Variants in CABP1 observed in about 807,000 individuals in gnomAD.
CABP1 encodes calcium-binding protein 1.
Under a neutral mutation model 34.3 loss-of-function variants are expected in CABP1, and 17 were observed. The observed-to-expected ratio is 0.50, with a 90% CI of 0.34 to 0.74. The LOEUF (loss-of-function observed/expected upper bound fraction) is 0.74, where lower values mean the gene tolerates loss of function less well. Ranked by LOEUF, CABP1 falls within the 30% of genes least tolerant of loss-of-function variation. The probability of loss-of-function intolerance (pLI) is 0.01; values close to 1 mark genes in which losing one functional copy is unlikely to be tolerated. For synonymous variants in CABP1, 198 were observed against 229.2 expected (o/e 0.86, Z 1.23); for missense variants, 373 against 511.1 (o/e 0.73, Z 2.61).
At chr12:120,647,630 C>T (rs1247685548) in intron 1 of CABP1, among the ~76,000 whole-genome samples, 4 of 147,048 alleles carry the variant, frequency 2.7e-5, no homozygotes, top group Middle Eastern at 7.0e-3. Flanking sequence ...TGCAATGACG[C>T]GATCTCGACT....
intron 1 of CABP1, chr12:120,650,489 G>A (rs191452654): frequency 2.6e-6 from 4 of 1,517,884 alleles, no homozygotes; most frequent in South Asian, 1.3e-5. Context: ...GAGCACGCGC[G>A]CAAGAGAGGG....
At chr12:120,649,444 C>T (rs1352472665) in intron 1 of CABP1, among the ~76,000 whole-genome samples, 1 of 152,172 alleles carries the variant, frequency 6.6e-6, no homozygotes, top group Non-Finnish European at 1.5e-5. Flanking sequence ...GGCTGTAGGT[C>T]TCAAACCGGA....
At chr12:120,652,980 G>A (rs1396281232) in intron 1 of CABP1, among the ~76,000 whole-genome samples, 2 of 152,184 alleles carry the variant, frequency 1.3e-5, no homozygotes, top group Non-Finnish European at 2.9e-5. Flanking sequence ...GGCAGGACCA[G>A]GCTGTCAGGT....
Position 120,640,785 on chromosome 12 carries a change from C to T in CABP1, c.100C>T (p.Pro34Ser), listed in dbSNP as rs1392536498. The change falls in exon 1 of 6, where the codon CCC becomes TCC. Residue 34 changes from proline (P) to serine (S), a missense_variant. By Grantham distance (74) the Pro-to-Ser change is moderately conservative (BLOSUM62 -1). Coordinates refer to ENST00000316803, the MANE Select transcript of CABP1 (RefSeq NM_001033677.2). The surrounding 1 kb of genome is among the most constrained non-coding windows in gnomAD (Gnocchi z 6.2). ...LGSRREPRSL[P>S]AGGPAPRRTA... ...CTCCCGCCGGGAGCCCCGTTCTCTG[C>T]CCGCCGGGGGCCCCGCGCCGCGCCG... The T allele has an allele frequency of 5.3e-6, 6 of 1,133,706 alleles. No individual in the cohort carries two copies. Among genetic ancestry groups the T allele is most frequent in the Non-Finnish European group, 6.5e-6 (6 of 926,044 alleles). 70.2% of individuals were successfully genotyped at this position (1,133,706 alleles called of 1,614,324 possible). A position where few individuals can be genotyped will look rare whatever the true frequency, so the allele number is the denominator to read the frequency against.
chr12:120,663,600 C>T (rs1425557720), intron 5 of CABP1, among the ~76,000 whole-genome samples: 1 of 152,126 alleles, frequency 6.6e-6, no homozygotes, highest in Non-Finnish European at 1.5e-5. Flanking sequence ...TTTAAAGAAT[C>T]AATAGTAATC....
the CABP1 span, among the ~76,000 whole-genome samples, chr12:120,680,719 G>C: frequency 6.6e-6 from 1 of 152,080 alleles, no homozygotes; most frequent in Non-Finnish European, 1.5e-5. Flanking sequence ...GGGTTATCTG[G>C]GGACCCCTCT....
chr12:120,677,422 AG>A, the CABP1 span, among the ~76,000 whole-genome samples: 1 of 107,194 alleles, frequency 9.3e-6, no homozygotes, highest in Admixed American at 1.1e-4. Context: ...TTTGAGACAG[AG>A]TCTCACTCTG....
intron 1 of CABP1, chr12:120,655,441 G>A (rs1198038745): frequency 2.9e-6 from 2 of 699,466 alleles, no homozygotes; most frequent in East Asian, 1.0e-4. Flanking sequence ...ACACGAAAAA[G>A]GAGGGGGCAT....
chr12:120,673,412 G>T, the CABP1 span, among the ~76,000 whole-genome samples: 2 of 151,864 alleles, frequency 1.3e-5, no homozygotes, highest in Admixed American at 6.6e-5. Context: ...GTGAAACCCC[G>T]TCTCTACTAA....
chr12:120,657,230 G>C (rs1880286983), intron 1 of CABP1, among the ~76,000 whole-genome samples: 1 of 152,134 alleles, frequency 6.6e-6, no homozygotes, highest in Non-Finnish European at 1.5e-5. Flanking sequence ...CTAGTGAATT[G>C]GCCAGCTTTC....
In CABP1 at chr12:120,660,019, G is replaced by A. The variant is rs906399799; in HGVS notation, c.685+111G>A. The A allele has an allele frequency of 1.2e-5, 15 of 1,294,252 alleles. No homozygotes were observed. In the African/African-American group the frequency reaches 2.1e-4, roughly 18 times the overall value. 80.2% of individuals were successfully genotyped at this position (1,294,252 alleles called of 1,614,324 possible). On this transcript the variant is annotated intron_variant, in intron 2 of 5. Transcript: ENST00000316803. This position sits in a 1 kb window ranked among gnomAD's most constrained non-coding sequence, Gnocchi z 5.0. ...GAAATGGGGCCTGGTGCAACGCGGG[G>A]TATCTTCTGTGAAACCAGCTGCTGA...
At chr12:120,653,238 C>T (rs925113984) in intron 1 of CABP1, among the ~76,000 whole-genome samples, 7 of 152,204 alleles carry the variant, frequency 4.6e-5, no homozygotes, top group African/African-American at 1.4e-4. Flanking sequence ...CCATCATCAT[C>T]GCCATCATTG....
chr12:120,652,416 T>G (rs1565996506), intron 1 of CABP1, among the ~76,000 whole-genome samples: 1 of 152,134 alleles, frequency 6.6e-6, no homozygotes, highest in African/African-American at 2.4e-5. Context: ...TATCTCATTT[T>G]CTCTTTTCCG....
downstream of CABP1, among the ~76,000 whole-genome samples, chr12:120,667,814 T>C (rs1464951207): frequency 2.0e-5 from 3 of 152,178 alleles, no homozygotes; most frequent in East Asian, 1.9e-4. Context: ...GTACCTATTA[T>C]GTACTCAGTG....
In CABP1 at chr12:120,641,772, C is replaced by T. The variant is rs982461963; in HGVS notation, c.654+433C>T. Among the ~76,000 whole-genome samples the T allele has an allele frequency of 1.3e-5, 2 of 152,212 alleles. No individual in the cohort carries two copies. The highest frequency in any genetic ancestry group is 2.9e-5 in the Non-Finnish European group (2 of 68,038). Reference sequence around the variant, plus strand: ...GAGTCTGGGGGTCAAGAGAGGGGACCTCAGAGAACACAGAATTACTTGAGG... The same window carrying T: ...GAGTCTGGGGGTCAAGAGAGGGGACTTCAGAGAACACAGAATTACTTGAGG... On this transcript the variant is annotated intron_variant, in intron 1 of 5. Coordinates refer to ENST00000316803, the MANE Select transcript of CABP1 (RefSeq NM_001033677.2). The surrounding 1 kb of genome is among the most constrained non-coding windows in gnomAD (Gnocchi z 6.7).
intron 1 of CABP1, among the ~76,000 whole-genome samples, chr12:120,649,638 G>A (rs986142859): frequency 3.3e-5 from 5 of 152,156 alleles, no homozygotes; most frequent in Admixed American, 3.3e-4. Flanking sequence ...GGGCGAGGAG[G>A]AGGAGGTTCA....
chr12:120,671,804 C>T (rs1466992047), downstream of CABP1, among the ~76,000 whole-genome samples: 2 of 152,220 alleles, frequency 1.3e-5, no homozygotes, highest in African/African-American at 2.4e-5. Flanking sequence ...CAGTGGATTG[C>T]ACCTGTAATC....
downstream of CABP1, among the ~76,000 whole-genome samples, chr12:120,671,432 G>T (rs1307801932): frequency 6.6e-6 from 1 of 152,222 alleles, no homozygotes; most frequent in East Asian, 1.9e-4. Context: ...ATATGCAAAG[G>T]CCCCGAGGTA....
In CABP1 at chr12:120,641,638, G is replaced by T. The variant is rs1248533096; in HGVS notation, c.654+299G>T. 1 of 292,922 alleles carries T rather than the reference G, an allele frequency of 3.4e-6. No individual in the cohort carries two copies. Among genetic ancestry groups the T allele is most frequent in the Admixed American group, 5.2e-5 (1 of 19,210 alleles). The allele number at this position is 292,922 out of a possible 1,614,324, so 18.1% of individuals were successfully genotyped here. A position where few individuals can be genotyped will look rare whatever the true frequency, so the allele number is the denominator to read the frequency against. ...GAGAGCGACCTCTACGACCGTCCTGGAGATTTGCGGGGGTCAAGGAGGGGC... is the reference window on the plus strand; with the variant it reads ...GAGAGCGACCTCTACGACCGTCCTGTAGATTTGCGGGGGTCAAGGAGGGGC... On this transcript the variant is annotated intron_variant, in intron 1 of 5. Transcript: ENST00000316803. The surrounding 1 kb of genome is among the most constrained non-coding windows in gnomAD (Gnocchi z 6.7).
Sources: allele counts gnomAD v4.1 joint callset (sites outside exome capture counted in the v4.1 genomes callset), GRCh38; gene constraint gnomAD v4.1.1; non-coding constraint Gnocchi (gnomAD v3.1); transcripts MANE v1.5; gene names NCBI Gene and HGNC (gene_info 2026-07-23, HGNC 2026-07-21).